Variants in CLPB observed in about 807,000 individuals in gnomAD.
CLPB encodes ClpB family mitochondrial disaggregase.
CLPB carries 40 observed loss-of-function variants against 78.4 expected under a neutral mutation model. The observed-to-expected ratio is 0.51, with a 90% CI of 0.40 to 0.66. The LOEUF is 0.66. CLPB is among the 30% of genes least tolerant of loss of function. The pLI is 0.00. For missense variants in CLPB, 780 were observed against 886.9 expected, an observed-to-expected ratio of 0.88 and a Z score of 1.53; for synonymous variants, 333 against 348.0, an observed-to-expected ratio of 0.96 and a Z score of 0.48.
chr11:72,296,836 G>A (rs1949559929), intron 11 of CLPB, among the ~76,000 whole-genome samples: 1 of 152,118 alleles, frequency 6.6e-6, no homozygotes, highest in Non-Finnish European at 1.5e-5. Context: ...TCCACCCTTG[G>A]AGGTAGGTGC....
rs1949386489 is a variant in CLPB at position 72,286,223 on chromosome 11, G to GTCTTTTTTTTTTTTTTTTTTT, written c.*7143_*7144insAAAAAAAAAAAAAAAAAAAGA. 1 of 60,450 alleles carries GTCTTTTTTTTTTTTTTTTTTT rather than the reference G, an allele frequency of 1.7e-5. No homozygotes were observed. Among genetic ancestry groups the GTCTTTTTTTTTTTTTTTTTTT allele is most frequent in the South Asian group, 7.6e-4 (1 of 1,320 alleles). The allele number at this position is 60,450 out of a possible 1,614,324, so 3.7% of individuals were successfully genotyped here. A position where few individuals can be genotyped will look rare whatever the true frequency, so the allele number is the denominator to read the frequency against. ...ATTACAGGTGTGAGATACTGCACCT[G>GTCTTTTTTTTTTTTTTTTTTT]TTTTTTTTTTTTTTTTTTTTTTTAA... On this transcript the variant is annotated 3_prime_UTR_variant, in exon 16 of 16. Coordinates refer to ENST00000538039, the MANE Select transcript of CLPB (RefSeq NM_001258392.3).
chr11:72,354,925 GC>G (rs1950682354), intron 5 of CLPB, among the ~76,000 whole-genome samples: 1 of 152,044 alleles, frequency 6.6e-6, no homozygotes, highest in South Asian at 2.1e-4. Flanking sequence ...TTGTCCAGGC[GC>G]CTGCCAGAGC....
In CLPB at chr11:72,403,351, C is replaced by T. The variant is rs139394086; in HGVS notation, c.456-299G>A. On this transcript the variant is annotated intron_variant, in intron 2 of 15. Transcript: ENST00000538039. ...TGTCCCCCTTATTATCTTCCAAACC[C>T]TTTGAGAAAAGAATGGTCCCTCCCT... Among the ~76,000 whole-genome samples the T allele has an allele frequency of 4.4e-3, 673 of 152,292 alleles. 7 individuals are homozygous for T. The highest frequency in any genetic ancestry group is 0.015 in the African/African-American group (640 of 41,566).
chr11:72,354,693 A>G (rs1286541236), intron 5 of CLPB: 3 of 219,636 alleles, frequency 1.4e-5, no homozygotes, highest in East Asian at 8.8e-5. Flanking sequence ...GCATCTTCCA[A>G]GGTAAAAAAC....
intron 2 of CLPB, among the ~76,000 whole-genome samples, chr11:72,418,761 A>G (rs1201144178): frequency 6.6e-6 from 1 of 151,516 alleles, no homozygotes; most frequent in Non-Finnish European, 1.5e-5. Context: ...AGGCTGAGCC[A>G]GGAGAATCGC....
chr11:72,392,265 G>C (rs966711375), intron 3 of CLPB, among the ~76,000 whole-genome samples: 3 of 152,040 alleles, frequency 2.0e-5, no homozygotes, highest in Non-Finnish European at 4.4e-5. Context: ...AAGACAAAGA[G>C]TGACCTCTTC....
intron 4 of CLPB, among the ~76,000 whole-genome samples, chr11:72,367,364 A>G (rs1197909159): frequency 6.6e-6 from 1 of 152,172 alleles, no homozygotes; most frequent in Admixed American, 6.5e-5. Context: ...GGGTTTCGCC[A>G]TGTTGGCCAG....
intron 5 of CLPB, among the ~76,000 whole-genome samples, chr11:72,340,327 A>G (rs1950397746): frequency 6.6e-6 from 1 of 152,176 alleles, no homozygotes; most frequent in South Asian, 2.1e-4. Context: ...ATTGAGCCAC[A>G]ATGCCTGCAG....
chr11:72,399,903 C>A (rs1855513588), intron 3 of CLPB, among the ~76,000 whole-genome samples: 1 of 152,188 alleles, frequency 6.6e-6, no homozygotes, highest in Non-Finnish European at 1.5e-5. Flanking sequence ...AACTTATTGG[C>A]AGATTGTGCT....
Position 72,385,932 on chromosome 11 carries a change from G to A in CLPB, c.543-5548C>T, listed in dbSNP as rs985313488. Among the ~76,000 whole-genome samples, 5 of 152,098 alleles carry A rather than the reference G, an allele frequency of 3.3e-5. No homozygotes were observed. The East Asian group carries it at 5.8e-4, about 18-fold the overall frequency. On this transcript the variant is annotated intron_variant, in intron 3 of 15. Transcript: ENST00000538039. ...AATCCCTACTATAAAACAATAGATT[G>A]TTTTAAATATTTTAGTAACATATTT...
intron 3 of CLPB, among the ~76,000 whole-genome samples, chr11:72,396,371 G>A (rs149725671): frequency 2.4e-4 from 36 of 152,164 alleles, no homozygotes; most frequent in African/African-American, 6.0e-4. Context: ...CACCTTCTCC[G>A]AGGCAAAGGC....
chr11:72,338,290 C>T (rs1950358256), intron 5 of CLPB, among the ~76,000 whole-genome samples: 2 of 152,128 alleles, frequency 1.3e-5, no homozygotes, highest in East Asian at 1.9e-4. Context: ...AACCACAGCA[C>T]CAGCTGGAGA....
chr11:72,371,987 A>C (rs1027912946), intron 4 of CLPB, among the ~76,000 whole-genome samples: 44 of 152,156 alleles, frequency 2.9e-4, no homozygotes, highest in African/African-American at 1.1e-3. Context: ...AGCACCTTAC[A>C]TTTGCACAAT....
At chr11:72,339,849 C>A (rs536935251) in intron 5 of CLPB, among the ~76,000 whole-genome samples, 1 of 152,146 alleles carries the variant, frequency 6.6e-6, no homozygotes, top group Non-Finnish European at 1.5e-5. Flanking sequence ...TTCAAAAATG[C>A]GTTTGGTTAC....
chr11:72,296,631 C>T (rs941470606), intron 11 of CLPB, among the ~76,000 whole-genome samples: 6 of 152,152 alleles, frequency 3.9e-5, no homozygotes, highest in African/African-American at 7.2e-5. Flanking sequence ...GTGACAATGC[C>T]GAACACGGAC....
chr11:72,381,453 G>C (rs529057744), intron 3 of CLPB, among the ~76,000 whole-genome samples: 6 of 152,096 alleles, frequency 3.9e-5, no homozygotes, highest in African/African-American at 1.4e-4. Flanking sequence ...CTAGTGCCAG[G>C]CCAGCCCCAG....
Position 72,434,286 on chromosome 11 carries a change from G to C in CLPB, c.189C>G (p.Phe63Leu), listed in dbSNP as rs141970893. ...GGRPGTSPALFSGRGAATGGR... is the reference protein window; with the variant it reads ...GGRPGTSPALLSGRGAATGGR... ...CCCCGGTGGCTGCCCCACGTCCGGA[G>C]AACAAGGCCGGCGATGTTCCAGGGC... Residue 63 changes from phenylalanine to leucine, a missense_variant, in exon 1 of 16, where the codon TTC (phenylalanine) becomes TTG (leucine). By Grantham distance (22) the Phe-to-Leu change is conservative (BLOSUM62 0). This residue lies in a region of CLPB where 417 missense variants were observed against 414.7 expected (regional missense o/e 1.01). Transcript: ENST00000538039. 3.2e-5 allele frequency: 51 copies of C among 1,612,272 alleles called. No homozygotes were observed. The African/African-American group carries it at 4.8e-4, about 15-fold the overall frequency.
intron 2 of CLPB, among the ~76,000 whole-genome samples, chr11:72,409,552 A>C (rs112688827): frequency 0.1 from 15,688 of 151,992 alleles, 1,438 homozygotes; most frequent in African/African-American, 0.24. Flanking sequence ...CTACTGCACT[A>C]CAGCCTGGGC....
chr11:72,293,622 G>T lies in CLPB; in HGVS notation c.1786-7C>A. 1 of 1,607,502 alleles carries T rather than the reference G, an allele frequency of 6.2e-7. No homozygotes were observed. The highest frequency in any genetic ancestry group is 8.5e-7 in the Non-Finnish European group (1 of 1,175,082). On this transcript the variant is annotated splice_polypyrimidine_tract_variant and splice_region_variant and intron_variant, in intron 15 of 15. Transcript: ENST00000538039. ...TCACCACACGGCGTTCTACCTGTCGGTGGGGAGGTGAAGTGGTCACTCCCT... is the reference window on the plus strand; with the variant it reads ...TCACCACACGGCGTTCTACCTGTCGTTGGGGAGGTGAAGTGGTCACTCCCT...
Sources: allele counts gnomAD v4.1 joint callset (sites outside exome capture counted in the v4.1 genomes callset), GRCh38; gene constraint gnomAD v4.1.1; regional missense constraint gnomAD v4.1.1; transcripts MANE v1.5; gene names NCBI Gene and HGNC (gene_info 2026-07-23, HGNC 2026-07-21).